Variants in TCF12 observed in about 807,000 individuals in gnomAD.
TCF12 encodes the protein DNA-binding protein HTF4.
In TCF12, 45 loss-of-function variants were observed where a neutral mutation model predicts 86.0. The ratio of observed to expected loss-of-function variants is 0.52; its 90% CI spans 0.41 to 0.67. TCF12 has a LOEUF of 0.67. Among genes scored for constraint, TCF12 ranks in the 30% least tolerant of loss-of-function variants. TCF12 has a pLI of 0.00. For synonymous variants in TCF12, 330 were observed against 299.6 expected (o/e 1.10, Z -1.05); for missense variants, 881 against 859.9 (o/e 1.02, Z -0.31).
chr15:57,022,563 A>G (rs1448913862), intron 3 of TCF12, among the ~76,000 whole-genome samples: 2 of 152,154 alleles, frequency 1.3e-5, no homozygotes, highest in Admixed American at 1.3e-4. Context: ...ATGATTTATA[A>G]TCCTTTGGGT....
At position 56,948,642 on chromosome 15, in the gene TCF12, A is replaced by G. The variant is rs573745705; in HGVS notation, c.148+27544A>G. Among the ~76,000 whole-genome samples, 248 of 152,336 alleles carry G rather than the reference A, an allele frequency of 1.6e-3. 1 individual carries two copies. Among genetic ancestry groups the G allele is most frequent in the African/African-American group, 5.6e-3 (232 of 41,568 alleles). On this transcript the variant is annotated intron_variant, in intron 3 of 20. Transcript: ENST00000333725. ...ACAAACCAGTGATCTCAATGGCGCA[A>G]TCACCTCAGAATGAAGCTGGGGCCT... is the stretch of plus-strand genomic sequence containing the variant.
At chr15:56,925,969 T>C (rs2059993886) in intron 3 of TCF12, among the ~76,000 whole-genome samples, 1 of 152,240 alleles carries the variant, frequency 6.6e-6, no homozygotes, top group African/African-American at 2.4e-5. Context: ...TGCATTCTTC[T>C]AGCAGTTTTT....
At chr15:56,976,118 A>AT (rs1349910209) in intron 3 of TCF12, among the ~76,000 whole-genome samples, 28 of 149,846 alleles carry the variant, frequency 1.9e-4, no homozygotes, top group Admixed American at 5.4e-4. Context: ...TGAAACAGTC[A>AT]TTTTTTTTTA....
intron 5 of TCF12, among the ~76,000 whole-genome samples, chr15:57,112,675 A>G (rs1033191589): frequency 6.6e-6 from 1 of 152,170 alleles, no homozygotes; most frequent in Admixed American, 6.5e-5. Context: ...TTTTCCTGTA[A>G]GAGTTTTACT....
intron 3 of TCF12, among the ~76,000 whole-genome samples, chr15:57,007,932 GTTTCTTTCTTT>G (rs1367926170): frequency 1.0e-5 from 1 of 97,764 alleles, no homozygotes; most frequent in South Asian, 3.5e-4. Context: ...TTGTTTCTTT[GTTTCTTTCTTT>G]TTTCTTTCTT....
chr15:57,160,723 C>T (rs1275239024), intron 5 of TCF12, among the ~76,000 whole-genome samples: 2 of 151,938 alleles, frequency 1.3e-5, no homozygotes, highest in Non-Finnish European at 2.9e-5. Flanking sequence ...GGCAGGGTCT[C>T]ACTCTGTCTC....
At chr15:56,963,731 G>A (rs535208575) in intron 3 of TCF12, among the ~76,000 whole-genome samples, 5 of 152,226 alleles carry the variant, frequency 3.3e-5, no homozygotes, top group African/African-American at 1.2e-4. Flanking sequence ...AGTAATCTTT[G>A]TTCTTTATGA....
chr15:56,986,070 A>AT (rs1169277775), intron 3 of TCF12, among the ~76,000 whole-genome samples: 2 of 152,116 alleles, frequency 1.3e-5, no homozygotes, highest in African/African-American at 4.8e-5. Flanking sequence ...GAAATAAGAA[A>AT]TTTTTTGTAT....
intron 3 of TCF12, among the ~76,000 whole-genome samples, chr15:56,968,249 G>A (rs117415304): frequency 0.041 from 6,182 of 152,210 alleles, 371 homozygotes; most frequent in Admixed American, 0.17. Context: ...GAGCCACTGC[G>A]CGCAGTCAAG....
intron 4 of TCF12, among the ~76,000 whole-genome samples, chr15:57,078,463 A>G (rs1467715442): frequency 2.6e-5 from 4 of 152,194 alleles, no homozygotes; most frequent in Non-Finnish European, 2.9e-5. Context: ...ATATTTTCAG[A>G]TAATGTCTCT....
At chr15:57,105,975 A>G (rs900021316) in intron 5 of TCF12, among the ~76,000 whole-genome samples, 36 of 152,246 alleles carry the variant, frequency 2.4e-4, no homozygotes, top group African/African-American at 8.2e-4. Context: ...AGACAGTAAC[A>G]GCTCCTGTCT....
intron 3 of TCF12, among the ~76,000 whole-genome samples, chr15:57,042,980 A>T (rs1266075107): frequency 6.6e-6 from 1 of 152,176 alleles, no homozygotes; most frequent in Non-Finnish European, 1.5e-5. Context: ...TAGATACTTC[A>T]TATAAGTGGA....
chr15:57,133,967 A>G (rs1452301219), intron 5 of TCF12, among the ~76,000 whole-genome samples: 1 of 152,194 alleles, frequency 6.6e-6, no homozygotes, highest in African/African-American at 2.4e-5. Context: ...CAATTTTTTA[A>G]AAGATAGTTT....
intron 8 of TCF12, among the ~76,000 whole-genome samples, chr15:57,211,264 T>C (rs1169931869): frequency 1.3e-5 from 2 of 152,200 alleles, no homozygotes; most frequent in African/African-American, 2.4e-5. Flanking sequence ...TTGTTCAAGA[T>C]AAAGTTGATA....
chr15:57,171,744 C>CT (rs1184419780), intron 6 of TCF12, among the ~76,000 whole-genome samples: 2 of 152,184 alleles, frequency 1.3e-5, no homozygotes, highest in Non-Finnish European at 2.9e-5. Context: ...ACTGGAAACA[C>CT]TGATAGATCA....
intron 4 of TCF12, among the ~76,000 whole-genome samples, chr15:57,074,027 G>A (rs1476177775): frequency 2.0e-5 from 3 of 152,158 alleles, no homozygotes; most frequent in Non-Finnish European, 4.4e-5. Flanking sequence ...TGGGATTACA[G>A]GCATGAGCCA....
intron 4 of TCF12, among the ~76,000 whole-genome samples, chr15:57,080,164 G>A (rs1179440495): frequency 1.3e-5 from 2 of 152,204 alleles, no homozygotes; most frequent in East Asian, 1.9e-4. Flanking sequence ...GTTTTAAGAA[G>A]CTAATTTATC....
intron 16 of TCF12, among the ~76,000 whole-genome samples, chr15:57,261,406 C>T (rs1485021112): frequency 6.6e-6 from 1 of 151,934 alleles, no homozygotes; most frequent in African/African-American, 2.4e-5. Context: ...GTATTTATTC[C>T]TCTTAGGGTA....
chr15:57,020,927 C>G (rs1476865477), intron 3 of TCF12, among the ~76,000 whole-genome samples: 2 of 152,058 alleles, frequency 1.3e-5, no homozygotes, highest in Non-Finnish European at 2.9e-5. Context: ...TTAAGAGTAA[C>G]AAGGTTTAAT....
Sources: allele counts gnomAD v4.1 joint callset (sites outside exome capture counted in the v4.1 genomes callset), GRCh38; gene constraint gnomAD v4.1.1; transcripts MANE v1.5; gene names NCBI Gene and HGNC (gene_info 2026-07-23, HGNC 2026-07-21).